DAB1: variants seen among roughly 807,000 people sequenced by gnomAD.
The protein encoded by DAB1 is DAB adaptor protein 1, also known as disabled homolog 1.
In DAB1, 15 loss-of-function variants were observed where a neutral mutation model predicts 64.6. That is an observed-to-expected ratio of 0.23 (90% CI 0.16 to 0.36). The LOEUF (loss-of-function observed/expected upper bound fraction) is 0.36. Ranked by LOEUF, DAB1 falls within the 10% of genes least tolerant of loss-of-function variation. The pLI is 1.00. For synonymous variants in DAB1, 235 were observed against 251.9 expected (o/e 0.93, Z 0.64); for missense variants, 596 against 706.7 (o/e 0.84, Z 1.78).
intron 7 of DAB1, among the ~76,000 whole-genome samples, chr1:57,563,301 A>G (rs757148437): frequency 5.3e-5 from 8 of 152,228 alleles, no homozygotes; most frequent in Non-Finnish European, 1.0e-4. Context: ...ATAAGAAAAT[A>G]TCTTCAGCAG....
chr1:58,113,537 G>C (rs1204036335), intron 5 of DAB1, among the ~76,000 whole-genome samples: 1 of 152,170 alleles, frequency 6.6e-6, no homozygotes, highest in Non-Finnish European at 1.5e-5. Flanking sequence ...AAAAACTTCT[G>C]TGTAATGAGA....
intron 1 of DAB1, among the ~76,000 whole-genome samples, chr1:57,402,780 C>G (rs548221397): frequency 1.3e-5 from 2 of 152,156 alleles, no homozygotes; most frequent in Admixed American, 1.3e-4. Flanking sequence ...CAGAGCAAGA[C>G]CAGACAGAAT....
At chr1:57,072,233 T>TC (rs755534753) in intron 5 of DAB1, 50 bp downstream of exon 5, 5 of 1,604,674 alleles carry the variant, frequency 3.1e-6, no homozygotes, top group Non-Finnish European at 4.3e-6. Context: ...CACTGGACTG[T>TC]CCCCCCAGAG....
chr1:58,301,815 C>G (rs1346525094), intron 4 of DAB1, among the ~76,000 whole-genome samples: 7 of 152,286 alleles, frequency 4.6e-5, no homozygotes, highest in Admixed American at 1.3e-4. Flanking sequence ...GTTAATCTTA[C>G]TGTACCTCAG....
chr1:58,485,169 T>C (rs1453862679), intron 3 of DAB1, among the ~76,000 whole-genome samples: 1 of 132,202 alleles, frequency 7.6e-6, no homozygotes, highest in African/African-American at 2.9e-5. Context: ...GAAATCTCTA[T>C]ACCTTCTACT....
chr1:57,051,248 C>T (rs192594440), intron 9 of DAB1, among the ~76,000 whole-genome samples: 6 of 152,302 alleles, frequency 3.9e-5, no homozygotes, highest in Admixed American at 3.3e-4. Flanking sequence ...ACAACCTCCT[C>T]TTGTGTGACA....
At chr1:58,128,028 G>C (rs1320638893) in intron 5 of DAB1, among the ~76,000 whole-genome samples, 1 of 151,578 alleles carries the variant, frequency 6.6e-6, no homozygotes, top group Non-Finnish European at 1.5e-5. Context: ...GGATGGCATT[G>C]AATCTGTAAA....
In DAB1 at chr1:57,424,048, C is replaced by T. The variant is rs1305133450; in HGVS notation, c.-255G>A. 2 of 152,274 alleles carry T rather than the reference C, an allele frequency of 1.3e-5. No individual in the cohort carries two copies. Among genetic ancestry groups the T allele is most frequent in the East Asian group, 1.9e-4 (1 of 5,132 alleles). The allele number at this position is 152,274 out of a possible 1,614,324, so 9.4% of individuals were successfully genotyped here. On this transcript the variant is annotated 5_prime_UTR_variant, in exon 1 of 15. Coordinates refer to ENST00000371236, the MANE Select transcript of DAB1 (RefSeq NM_001365792.1). ...CAGCCCGGGGAAGCCCGGGCGAGCG[C>T]CGAGCTGGGTCCATCCTCCCCGGGA...
At chr1:58,161,190 G>A (rs1326492748) in intron 4 of DAB1, among the ~76,000 whole-genome samples, 3 of 152,214 alleles carry the variant, frequency 2.0e-5, no homozygotes. Flanking sequence ...AACATTTACT[G>A]AATGCCAGGT....
At chr1:57,523,755 C>T (rs925297894) in intron 7 of DAB1, among the ~76,000 whole-genome samples, 1 of 151,992 alleles carries the variant, frequency 6.6e-6, no homozygotes, top group African/African-American at 2.4e-5. Flanking sequence ...AATCTCATCT[C>T]TACCAAAAAT....
At chr1:57,385,396 A>G (rs775603518) in intron 1 of DAB1, among the ~76,000 whole-genome samples, 1 of 152,196 alleles carries the variant, frequency 6.6e-6, no homozygotes, top group Non-Finnish European at 1.5e-5. Flanking sequence ...GGCAGGAAGT[A>G]GCTCCATGTA....
chr1:57,660,966 A>G (rs949680293), intron 6 of DAB1, among the ~76,000 whole-genome samples: 2 of 152,216 alleles, frequency 1.3e-5, no homozygotes, highest in African/African-American at 4.8e-5. Flanking sequence ...GCTTCCTGGG[A>G]AAGTGAATTT....
intron 7 of DAB1, among the ~76,000 whole-genome samples, chr1:57,430,380 T>TTTA (rs1428663866): frequency 2.0e-4 from 30 of 151,200 alleles, no homozygotes; most frequent in Non-Finnish European, 1.2e-4. Flanking sequence ...TAATACAATT[T>TTTA]TTTTTTTTTT....
chr1:57,256,836 C>G (rs1298463789), intron 2 of DAB1, among the ~76,000 whole-genome samples: 1 of 152,230 alleles, frequency 6.6e-6, no homozygotes, highest in Non-Finnish European at 1.5e-5. Context: ...CCAGCTCAGA[C>G]TTCCTGGACT....
intron 4 of DAB1, among the ~76,000 whole-genome samples, chr1:58,184,997 C>A (rs1439506186): frequency 6.6e-6 from 1 of 152,132 alleles, no homozygotes; most frequent in African/African-American, 2.4e-5. Context: ...CAAATCAACC[C>A]GTTACACTAA....
intron 4 of DAB1, among the ~76,000 whole-genome samples, chr1:57,131,405 C>T (rs1360611007): frequency 6.6e-6 from 1 of 152,206 alleles, no homozygotes; most frequent in Non-Finnish European, 1.5e-5. Context: ...TGTTTACAGG[C>T]TAGCCCTTAT....
intron 2 of DAB1, among the ~76,000 whole-genome samples, chr1:57,165,531 A>C (rs1053286911): frequency 6.6e-6 from 1 of 152,256 alleles, no homozygotes; most frequent in African/African-American, 2.4e-5. Flanking sequence ...GCCATTGTGC[A>C]AGGAGCTGGG....
At chr1:58,346,171 T>C (rs937143463) in intron 3 of DAB1, among the ~76,000 whole-genome samples, 1 of 152,232 alleles carries the variant, frequency 6.6e-6, no homozygotes, top group Non-Finnish European at 1.5e-5. Context: ...ACTAAATCCA[T>C]TTCCTGCTGC....
chr1:57,239,591 G>A (rs1668356235), intron 2 of DAB1, among the ~76,000 whole-genome samples: 1 of 152,068 alleles, frequency 6.6e-6, no homozygotes, highest in Admixed American at 6.5e-5. Context: ...TCAGCAAGAG[G>A]CCTCTCCATC....
Sources: gnomAD v4.1 joint callset for allele counts (sites outside exome capture counted in the v4.1 genomes callset) on GRCh38, gnomAD v4.1.1 for gene constraint, MANE v1.5 for transcripts, NCBI Gene and HGNC (gene_info 2026-07-23, HGNC 2026-07-21) for gene names.